The following SYT9 variants were observed in gnomAD, a reference collection of about 807,000 sequenced individuals.
The protein encoded by SYT9 is synaptotagmin-9.
Under a neutral mutation model 48.4 loss-of-function variants are expected in SYT9, and 22 were observed. The observed-to-expected ratio is 0.45, with a 90% confidence interval of 0.32 to 0.65. The LOEUF is 0.65. Among genes scored for constraint, SYT9 ranks in the 30% least tolerant of loss-of-function variants. The pLI is 0.03. For synonymous variants in SYT9, 265 were observed against 245.0 expected (o/e 1.08, Z -0.76); for missense variants, 577 against 622.0 (o/e 0.93, Z 0.77).
chr11:7,345,158 C>T (rs980591747), intron 3 of SYT9, among the ~76,000 whole-genome samples: 23 of 152,258 alleles, frequency 1.5e-4, no homozygotes, highest in Non-Finnish European at 1.8e-4. Context: ...TCGTTCTCTT[C>T]TCTGGTACTC....
intron 3 of SYT9, among the ~76,000 whole-genome samples, chr11:7,388,086 TC>T (rs968012029): frequency 6.6e-6 from 1 of 152,164 alleles, no homozygotes; most frequent in African/African-American, 2.4e-5. Context: ...GTTTACTTCT[TC>T]CCTAAATGTT....
intron 3 of SYT9, among the ~76,000 whole-genome samples, chr11:7,317,989 G>A (rs1008053282): frequency 8.5e-5 from 13 of 152,050 alleles, no homozygotes; most frequent in African/African-American, 3.1e-4. Flanking sequence ...CACCCTCTCT[G>A]GTATTTGGAT....
intron 3 of SYT9, among the ~76,000 whole-genome samples, chr11:7,414,486 G>T (rs1340346175): frequency 6.6e-6 from 1 of 152,218 alleles, no homozygotes; most frequent in Admixed American, 6.5e-5. Flanking sequence ...CACTGCTCCT[G>T]CAATGGGGAA....
chr11:7,435,655 A>G (rs899021679), intron 6 of SYT9: 1 of 152,262 alleles, frequency 6.6e-6, no homozygotes, highest in Non-Finnish European at 1.5e-5. Context: ...GAGCAACTGC[A>G]GACAAAGACT....
At chr11:7,462,007 C>T (rs60991169) in intron 6 of SYT9, among the ~76,000 whole-genome samples, 29,672 of 152,132 alleles carry the variant, frequency 0.2, 3,402 homozygotes, top group African/African-American at 0.32. Flanking sequence ...GTCTACTTGA[C>T]GGTGAATCTT....
intron 5 of SYT9, among the ~76,000 whole-genome samples, chr11:7,418,761 A>G (rs528128435): frequency 1.3e-5 from 2 of 152,366 alleles, no homozygotes; most frequent in African/African-American, 4.8e-5. Flanking sequence ...ATTGTAGCCA[A>G]TTGTGTATTT....
At chr11:7,262,961 C>G (rs375217913) in intron 1 of SYT9, among the ~76,000 whole-genome samples, 30 of 152,052 alleles carry the variant, frequency 2.0e-4, no homozygotes, top group African/African-American at 6.8e-4. Context: ...TTAACAGCAC[C>G]AAGGTGAAGG....
At chr11:7,382,067 G>C (rs889419136) in intron 3 of SYT9, among the ~76,000 whole-genome samples, 4 of 152,190 alleles carry the variant, frequency 2.6e-5, no homozygotes, top group Admixed American at 1.3e-4. Context: ...GGGAAGCCCA[G>C]ACTCAGAGTC....
rs554821969 is a variant in SYT9 at position 7,363,787 on chromosome 11, T to C, written c.1044+49846T>C. On this transcript the variant is annotated intron_variant, in intron 3 of 6. Transcript: ENST00000318881. ...AGTGATCATTTATAACAGATACCAC[T>C]GAGAAGATGAGAATGGAGAGGTGTC... Among the ~76,000 whole-genome samples the C allele has an allele frequency of 1.4e-3, 207 of 152,150 alleles. 2 individuals are homozygous for C. Among genetic ancestry groups the C allele is most frequent in the African/African-American group, 4.6e-3 (191 of 41,492 alleles).
At chr11:7,384,062 CCACA>C (rs3086255) in intron 3 of SYT9, among the ~76,000 whole-genome samples, 10,316 of 149,550 alleles carry the variant, frequency 0.069, 486 homozygotes, top group African/African-American at 0.14. Flanking sequence ...AATTCACTAG[CCACA>C]CACACACACA....
chr11:7,239,308 T>C (rs893548508), intron 1 of SYT9, among the ~76,000 whole-genome samples: 3 of 152,160 alleles, frequency 2.0e-5, no homozygotes, highest in African/African-American at 7.2e-5. Context: ...CACTCAAGCC[T>C]GGGTCTTTCC....
At chr11:7,296,186 T>C (rs906256383) in intron 1 of SYT9, among the ~76,000 whole-genome samples, 3 of 152,234 alleles carry the variant, frequency 2.0e-5, no homozygotes, top group Admixed American at 2.0e-4. Flanking sequence ...GGTACTATTA[T>C]TATCCCAATG....
At chr11:7,324,022 C>T (rs900006066) in intron 3 of SYT9, among the ~76,000 whole-genome samples, 1 of 151,754 alleles carries the variant, frequency 6.6e-6, no homozygotes, top group African/African-American at 2.4e-5. Context: ...ATAATCTTTT[C>T]TGTCAATGTT....
At chr11:7,462,117 A>G (rs2134159268) in intron 6 of SYT9, among the ~76,000 whole-genome samples, 1 of 152,372 alleles carries the variant, frequency 6.6e-6, no homozygotes, top group African/African-American at 2.4e-5. Flanking sequence ...TCAAAGCACA[A>G]TAATTTACCA....
At chr11:7,459,168 A>T (rs1005326678) in intron 6 of SYT9, among the ~76,000 whole-genome samples, 1 of 152,260 alleles carries the variant, frequency 6.6e-6, no homozygotes. Flanking sequence ...CCATTAAGTG[A>T]GCTCAGGAAG....
At chr11:7,308,447 G>A (rs1409709962) in intron 2 of SYT9, among the ~76,000 whole-genome samples, 1 of 152,204 alleles carries the variant, frequency 6.6e-6, no homozygotes, top group African/African-American at 2.4e-5. Context: ...CTTGTACAGA[G>A]CCTGGACTCA....
intron 6 of SYT9, among the ~76,000 whole-genome samples, chr11:7,432,582 A>AAAATAT (rs1847619483): frequency 2.8e-4 from 1 of 3,512 alleles, no homozygotes; most frequent in Non-Finnish European, 5.6e-4. Context: ...AAAAAAAAAA[A>AAAATAT]ATATATATAC....
chr11:7,400,276 C>T (rs1253441995), intron 3 of SYT9, among the ~76,000 whole-genome samples: 3 of 152,170 alleles, frequency 2.0e-5, no homozygotes, highest in Non-Finnish European at 4.4e-5. Context: ...CAACTTCTGT[C>T]CTGTAACTAT....
intron 3 of SYT9, among the ~76,000 whole-genome samples, chr11:7,415,330 C>T (rs932593373): frequency 6.6e-6 from 1 of 152,166 alleles, no homozygotes. Context: ...TGGAGCTATG[C>T]GATAGACTGT....
Sources: gnomAD v4.1 joint callset for allele counts (sites outside exome capture counted in the v4.1 genomes callset) on GRCh38, gnomAD v4.1.1 for gene constraint, MANE v1.5 for transcripts, NCBI Gene and HGNC (gene_info 2026-07-23, HGNC 2026-07-21) for gene names.